HYDIN: variants seen among roughly 807,000 people sequenced by gnomAD.
The protein encoded by HYDIN is axonemal central pair apparatus protein HYDIN.
HYDIN carries 132 observed loss-of-function variants against 403.9 expected under a neutral mutation model. That is an observed-to-expected ratio of 0.33 (90% confidence interval 0.28 to 0.38). The LOEUF is 0.38. Among genes scored for constraint, HYDIN ranks in the 10% least tolerant of loss-of-function variants. The pLI is 1.00. For synonymous variants in HYDIN, 1,202 were observed against 1,891.7 expected (o/e 0.64, Z 9.46); for missense variants, 2,827 against 5,009.5 (o/e 0.56, Z 13.15).
rs1479943090 is a variant in HYDIN, at chr16:70,879,587, G to T, written c.10367+18C>A. ...AGTCCTGCTGCAGGAGAGGGAGCTG[G>T]GAGCTGGGAGTTGGTACCTGGGCAA... On this transcript the variant is annotated intron_variant, in intron 61 of 85. Coordinates refer to ENST00000393567, the MANE Select transcript of HYDIN (RefSeq NM_001270974.2). 19 of 1,613,204 alleles carry T rather than the reference G, an allele frequency of 1.2e-5. No homozygotes were observed. The highest frequency in any genetic ancestry group is 1.5e-5 in the Non-Finnish European group (18 of 1,179,824).
At chr16:71,026,159 C>T (rs565329137) in intron 20 of HYDIN, among the ~76,000 whole-genome samples, 43 of 152,258 alleles carry the variant, frequency 2.8e-4, no homozygotes, top group African/African-American at 8.9e-4. Flanking sequence ...CTCGGCCTCC[C>T]AAAGTGCTGG....
At chr16:71,139,617 T>A (rs985424723) in intron 7 of HYDIN, among the ~76,000 whole-genome samples, 1 of 151,786 alleles carries the variant, frequency 6.6e-6, no homozygotes, top group Non-Finnish European at 1.5e-5. Context: ...AAATTCAAAA[T>A]AAATATTTAA....
At chr16:71,103,786 C>A (rs1243920505) in intron 10 of HYDIN, among the ~76,000 whole-genome samples, 1 of 151,934 alleles carries the variant, frequency 6.6e-6, no homozygotes, top group African/African-American at 2.4e-5. Flanking sequence ...TACAAAAAAA[C>A]CATCTTGGAT....
intron 16 of HYDIN, among the ~76,000 whole-genome samples, chr16:71,063,844 C>G (rs1485050479): frequency 6.6e-6 from 1 of 151,802 alleles, no homozygotes; most frequent in Non-Finnish European, 1.5e-5. Context: ...TTTTCGTCTT[C>G]AAGTTTCCAT....
chr16:71,059,148 A>G (rs1279148433), intron 18 of HYDIN, among the ~76,000 whole-genome samples: 6 of 152,316 alleles, frequency 3.9e-5, no homozygotes, highest in Admixed American at 2.0e-4. Flanking sequence ...TCTTTAGTTT[A>G]ATTAGGACCC....
Position 71,040,500 on chromosome 16 carries a change from C to A in HYDIN, c.2530-8583G>T, listed in dbSNP as rs796098254. ...CCCCCTCCCCGCACCCCCCTCCCCC[C>A]CACACACACAACTTTACATACAAGT... On this transcript the variant is annotated intron_variant, in intron 18 of 85. Coordinates refer to ENST00000393567, the MANE Select transcript of HYDIN (RefSeq NM_001270974.2). Among the ~76,000 whole-genome samples, 1,339 of 146,972 alleles carry A rather than the reference C, an allele frequency of 9.1e-3. 14 individuals are homozygous for A. Among genetic ancestry groups the A allele is most frequent in the African/African-American group, 0.032 (1,258 of 39,632 alleles).
At chr16:71,155,789 ACT>A (rs2144587276) in intron 6 of HYDIN, among the ~76,000 whole-genome samples, 1 of 27,606 alleles carries the variant, frequency 3.6e-5, no homozygotes, top group Admixed American at 4.4e-4. Flanking sequence ...ATTACAATAA[ACT>A]CTTAAAGGTA....
rs1466785805 is a variant in HYDIN, at chr16:70,805,031, A to G, written c.*2549T>C. On this transcript the variant is annotated 3_prime_UTR_variant, in exon 86 of 86. Coordinates refer to ENST00000393567, the MANE Select transcript of HYDIN (RefSeq NM_001270974.2). ...GATCACTTGGTGTACCACATTGACC[A>G]TTATTGAAAAAGTACACCCTTTTGA... Among the ~76,000 whole-genome samples, 1 of 152,238 alleles carries G rather than the reference A, an allele frequency of 6.6e-6. No individual in the cohort carries two copies. Among genetic ancestry groups the G allele is most frequent in the Non-Finnish European group, 1.5e-5 (1 of 68,036 alleles).
At position 71,159,782 on chromosome 16, in the gene HYDIN, A is replaced by C. The variant is rs4414502; in HGVS notation, c.716+2749T>G. Among the ~76,000 whole-genome samples, 290 of 152,182 alleles carry C rather than the reference A, an allele frequency of 1.9e-3. 6 individuals are homozygous for C. Among genetic ancestry groups the C allele is most frequent in the African/African-American group, 6.6e-3 (276 of 41,518 alleles). On this transcript the variant is annotated intron_variant, in intron 6 of 85. Coordinates refer to ENST00000393567, the MANE Select transcript of HYDIN (RefSeq NM_001270974.2). ...TATTTAAAGTACTGAGGAAAAAAATATATATATAATTGTTGGCCCAGAATT... is the reference window on the plus strand; with the variant it reads ...TATTTAAAGTACTGAGGAAAAAAATCTATATATAATTGTTGGCCCAGAATT...
At chr16:70,834,705 G>A (rs936430911) in intron 78 of HYDIN, among the ~76,000 whole-genome samples, 4 of 151,788 alleles carry the variant, frequency 2.6e-5, no homozygotes, top group African/African-American at 4.8e-5. Context: ...AAAATTAGAC[G>A]GGCTTTGTGG....
intron 1 of HYDIN, among the ~76,000 whole-genome samples, chr16:71,191,407 G>A (rs190849774): frequency 2.4e-4 from 36 of 152,082 alleles, no homozygotes; most frequent in Middle Eastern, 3.4e-3. Context: ...GAAAAAATGC[G>A]CGTGTTTGCG....
At chr16:70,840,424 C>G (rs896748041) in intron 75 of HYDIN, among the ~76,000 whole-genome samples, 191 bp from the exon 76 acceptor site, 1 of 151,806 alleles carries the variant, frequency 6.6e-6, no homozygotes, top group Non-Finnish European at 1.5e-5. Context: ...TAATCAGGCC[C>G]TACATTGCCT....
chr16:70,985,459 C>T, intron 27 of HYDIN, 137 bp from the exon 28 acceptor site: 2 of 915,024 alleles, frequency 2.2e-6, no homozygotes, highest in East Asian at 5.3e-5. Flanking sequence ...CTCAGCATCA[C>T]AACAAATGCC....
intron 9 of HYDIN, among the ~76,000 whole-genome samples, chr16:71,127,109 C>T (rs1054398169): frequency 2.0e-5 from 3 of 152,146 alleles, no homozygotes; most frequent in African/African-American, 7.2e-5. Flanking sequence ...TTCATTATAA[C>T]TGATATTGAG....
chr16:70,961,612 G>T (rs7189607), intron 38 of HYDIN, among the ~76,000 whole-genome samples: 5 of 152,076 alleles, frequency 3.3e-5, no homozygotes, highest in South Asian at 2.1e-4. Context: ...TGGCCCAACT[G>T]GGGGGACACT....
In HYDIN at chr16:70,807,507, A is replaced by G. The variant is rs2035161249; in HGVS notation, c.*73T>C. 6.8e-7 allele frequency: 1 copy of G among 1,476,356 alleles called. No individual in the cohort carries two copies. 91.5% of individuals were successfully genotyped at this position (1,476,356 alleles called of 1,614,324 possible). On this transcript the variant is annotated 3_prime_UTR_variant, in exon 86 of 86. Coordinates refer to ENST00000393567, the MANE Select transcript of HYDIN (RefSeq NM_001270974.2). ...TAAAAACAGTTCCTTTAGAATTCTT[A>G]TTGTTTTCTCTATTCTTTTTCAGGC... is the stretch of plus-strand genomic sequence containing the variant.
chr16:71,133,672 G>A (rs937424868), intron 8 of HYDIN, among the ~76,000 whole-genome samples: 1 of 152,118 alleles, frequency 6.6e-6, no homozygotes, highest in African/African-American at 2.4e-5. Context: ...GAAATGGGGA[G>A]CAAAAATCCT....
intron 18 of HYDIN, among the ~76,000 whole-genome samples, chr16:71,059,741 C>G (rs8055617): frequency 6.6e-6 from 1 of 152,050 alleles, no homozygotes; most frequent in Non-Finnish European, 1.5e-5. Flanking sequence ...ACAATTTACC[C>G]GTGTAACAAA....
In HYDIN at chr16:70,971,122, A is replaced by G. The variant is rs192898192; in HGVS notation, c.5380-363T>C. On this transcript the variant is annotated intron_variant, in intron 35 of 85. Transcript: ENST00000393567. Reference sequence around the variant, plus strand: ...TGCATCTCTGGGCCTGAAGGTTCTCATTTCATGGAACCTGCTGTCCATGGG... The same window carrying G: ...TGCATCTCTGGGCCTGAAGGTTCTCGTTTCATGGAACCTGCTGTCCATGGG... Among the ~76,000 whole-genome samples, 660 of 152,284 alleles carry G rather than the reference A, an allele frequency of 4.3e-3. 3 individuals are homozygous for G. Among genetic ancestry groups the G allele is most frequent in the African/African-American group, 0.015 (617 of 41,560 alleles).
Sources: allele counts gnomAD v4.1 joint callset (sites outside exome capture counted in the v4.1 genomes callset), GRCh38; gene constraint gnomAD v4.1.1; transcripts MANE v1.5; gene names NCBI Gene and HGNC (gene_info 2026-07-23, HGNC 2026-07-21).